The following CDH18 variants were observed in gnomAD, a reference collection of about 807,000 sequenced individuals.
CDH18 encodes the protein cadherin 18, also known as cadherin-18.
In CDH18, 31 loss-of-function variants were observed where a neutral mutation model predicts 67.9. That is an observed-to-expected ratio of 0.46 (90% CI 0.34 to 0.62). The LOEUF is 0.62. CDH18 is among the 20% of genes least tolerant of loss of function. CDH18 has a pLI of 0.01. For synonymous variants in CDH18, 362 were observed against 347.2 expected, an observed-to-expected ratio of 1.04 and a Z score of -0.48; for missense variants, 890 against 975.5, an observed-to-expected ratio of 0.91 and a Z score of 1.17.
intron 1 of CDH18, among the ~76,000 whole-genome samples, chr5:20,308,284 T>G (rs1736663996): frequency 6.6e-6 from 1 of 152,078 alleles, no homozygotes. Context: ...GGCTCACGAC[T>G]GTAATCCCAG....
Position 19,473,004 on chromosome 5 carries a change from G to T in CDH18, c.*222C>A. 1 of 492,428 alleles carries T rather than the reference G, an allele frequency of 2.0e-6. No homozygotes were observed. Among genetic ancestry groups the T allele is most frequent in the Non-Finnish European group, 3.6e-6 (1 of 281,420 alleles). The allele number at this position is 492,428 out of a possible 1,614,324, so 30.5% of individuals were successfully genotyped here. A position where few individuals can be genotyped will look rare whatever the true frequency, so the allele number is the denominator to read the frequency against. ...TTGAGCAATTGAAAATATACACAAG[G>T]AACAATAACTTTTTCTTTGTATTGT... On this transcript the variant is annotated 3_prime_UTR_variant, in exon 13 of 13. Transcript: ENST00000382275.
chr5:19,828,894 T>C (rs1780715559), intron 3 of CDH18, among the ~76,000 whole-genome samples: 1 of 152,002 alleles, frequency 6.6e-6, no homozygotes, highest in Non-Finnish European at 1.5e-5. Flanking sequence ...AAAAATTAGC[T>C]GGGCGTGGTG....
chr5:20,539,099 C>T (rs775931644), intron 1 of CDH18, among the ~76,000 whole-genome samples: 6 of 151,476 alleles, frequency 4.0e-5, no homozygotes, highest in Admixed American at 2.0e-4. Context: ...ATGTTGGCCA[C>T]GCTGGTCTCC....
chr5:19,591,279 C>A, intron 6 of CDH18, 35 bp from the exon 7 acceptor site: 2 of 1,365,348 alleles, frequency 1.5e-6, no homozygotes, highest in Non-Finnish European at 1.0e-6. Context: ...TATTTAAATA[C>A]AATGTTCATG....
intron 2 of CDH18, among the ~76,000 whole-genome samples, chr5:19,895,265 A>G (rs562894740): frequency 6.6e-6 from 1 of 152,312 alleles, no homozygotes; most frequent in Non-Finnish European, 1.5e-5. Context: ...CAAACTGGTA[A>G]GGCTTTCAAT....
intron 2 of CDH18, among the ~76,000 whole-genome samples, chr5:20,011,325 A>G (rs1313946208): frequency 6.6e-6 from 1 of 152,184 alleles, no homozygotes; most frequent in African/African-American, 2.4e-5. Flanking sequence ...ACTTTGCCAA[A>G]GTTTCTTATC....
chr5:19,691,980 T>C (rs1281495381), intron 5 of CDH18, among the ~76,000 whole-genome samples: 1 of 151,986 alleles, frequency 6.6e-6, no homozygotes. Context: ...CTTCAGAATA[T>C]ATTACAAGGC....
chr5:20,064,379 G>A (rs1288408149), intron 2 of CDH18, among the ~76,000 whole-genome samples: 3 of 152,104 alleles, frequency 2.0e-5, no homozygotes, highest in Non-Finnish European at 2.9e-5. Context: ...AAAATGGCTC[G>A]TCACTGTGAT....
At chr5:19,527,048 C>G (rs1747851813) in intron 9 of CDH18, among the ~76,000 whole-genome samples, 1 of 151,894 alleles carries the variant, frequency 6.6e-6, no homozygotes. Context: ...ACTAAAATTA[C>G]TCTCATTCTT....
intron 5 of CDH18, among the ~76,000 whole-genome samples, chr5:19,720,012 T>C (rs1301896103): frequency 1.3e-5 from 2 of 152,070 alleles, no homozygotes; most frequent in Non-Finnish European, 1.5e-5. Flanking sequence ...TGTATTTCCA[T>C]GTTGGAGCAC....
At chr5:20,501,848 ACT>A (rs1359090296) in intron 1 of CDH18, among the ~76,000 whole-genome samples, 1 of 149,334 alleles carries the variant, frequency 6.7e-6, no homozygotes, top group Non-Finnish European at 1.5e-5. Flanking sequence ...TTGAAGAAGA[ACT>A]CAGTCCATCA....
At chr5:20,091,464 T>C (rs933083815) in intron 2 of CDH18, among the ~76,000 whole-genome samples, 10 of 152,060 alleles carry the variant, frequency 6.6e-5, no homozygotes, top group East Asian at 5.9e-4. Flanking sequence ...GCCTGACTAA[T>C]TGGCACTCCA....
chr5:19,507,649 G>A (rs959811394), intron 10 of CDH18, among the ~76,000 whole-genome samples: 24 of 152,032 alleles, frequency 1.6e-4, no homozygotes, highest in East Asian at 1.9e-4. Context: ...GCAAACTATC[G>A]CAAGGACAAA....
intron 2 of CDH18, among the ~76,000 whole-genome samples, chr5:20,032,421 C>T (rs1739485698): frequency 6.6e-6 from 1 of 151,798 alleles, no homozygotes. Flanking sequence ...ATAGAACATT[C>T]TAAAAAGCAA....
At chr5:20,567,085 G>C (rs1416179468) in intron 1 of CDH18, among the ~76,000 whole-genome samples, 1 of 152,108 alleles carries the variant, frequency 6.6e-6, no homozygotes, top group Non-Finnish European at 1.5e-5. Context: ...TATTCAGTCA[G>C]TATTGAGTCA....
chr5:20,447,396 T>A (rs1167944682), intron 1 of CDH18, among the ~76,000 whole-genome samples: 3 of 150,704 alleles, frequency 2.0e-5, no homozygotes, highest in Non-Finnish European at 3.0e-5. Flanking sequence ...AAAAAAGGGC[T>A]ACACACAGTG....
intron 12 of CDH18, among the ~76,000 whole-genome samples, chr5:19,480,429 T>C (rs1308423682): frequency 1.3e-5 from 2 of 151,652 alleles, no homozygotes; most frequent in African/African-American, 4.8e-5. Context: ...CAGGCTGGAG[T>C]GCAGTGGCGC....
intron 1 of CDH18, among the ~76,000 whole-genome samples, chr5:20,341,460 A>G (rs1189038528): frequency 6.6e-6 from 1 of 151,698 alleles, no homozygotes; most frequent in Non-Finnish European, 1.5e-5. Context: ...CTATTTTGGG[A>G]CCTTGTGATG....
At chr5:20,547,293 G>T (rs1011731118) in intron 1 of CDH18, among the ~76,000 whole-genome samples, 8 of 151,956 alleles carry the variant, frequency 5.3e-5, no homozygotes, top group African/African-American at 1.7e-4. Flanking sequence ...GCCAGGCATG[G>T]TGCTCATGCC....
Sources: gnomAD v4.1 joint callset for allele counts (sites outside exome capture counted in the v4.1 genomes callset) on GRCh38, gnomAD v4.1.1 for gene constraint, MANE v1.5 for transcripts, NCBI Gene and HGNC (gene_info 2026-07-23, HGNC 2026-07-21) for gene names.